The following PTPRD variants were observed in gnomAD, a reference collection of about 807,000 sequenced individuals.
PTPRD encodes the protein protein tyrosine phosphatase receptor type D, also known as receptor-type tyrosine-protein phosphatase delta.
PTPRD carries 34 observed loss-of-function variants against 214.5 expected under a neutral mutation model. That is an observed-to-expected ratio of 0.16 (90% CI 0.12 to 0.21). The LOEUF (loss-of-function observed/expected upper bound fraction) is 0.21, where lower values mean the gene tolerates loss of function less well. Among genes scored for constraint, PTPRD ranks in the 10% least tolerant of loss-of-function variants. The probability of loss-of-function intolerance (pLI) is 1.00; values close to 1 mark genes in which losing one functional copy is unlikely to be tolerated. For missense variants in PTPRD, 2,545 were observed against 2,398.7 expected, an observed-to-expected ratio of 1.06 and a Z score of -1.27; for synonymous variants, 1,128 against 845.7, an observed-to-expected ratio of 1.33 and a Z score of -5.79.
chr9:9,757,446 G>C (rs960148841), intron 6 of PTPRD, among the ~76,000 whole-genome samples: 1 of 152,072 alleles, frequency 6.6e-6, no homozygotes, highest in East Asian at 1.9e-4. Context: ...AAAACAAATG[G>C]ATGTTTAATG....
At position 8,517,951 on chromosome 9, in the gene PTPRD, G is replaced by A. The variant is rs141031051; in HGVS notation, c.1440C>T (p.Gly480=). The A allele has an allele frequency of 1.9e-6, 3 of 1,614,024 alleles. No homozygotes were observed. The highest frequency in any genetic ancestry group is 3.3e-5 in the Admixed American group (2 of 60,006). ...AATATGTTTTCTGGGGCACTAAGTT[G>A]CCAATAGTAGTGATTTGGCTGTCAG... ...NVADSQITTI[G]NLVPQKTYSV... is the part of the protein sequence containing the mutation. Residue 480 remains glycine (G), a synonymous_variant, in exon 21 of 46, where the codon GGC becomes GGT. Transcript: ENST00000381196.
intron 2 of PTPRD, among the ~76,000 whole-genome samples, chr9:10,355,838 T>C (rs1483705905): frequency 6.6e-6 from 1 of 152,142 alleles, no homozygotes; most frequent in Non-Finnish European, 1.5e-5. Flanking sequence ...AGAAACACTA[T>C]GATATACTAC....
At chr9:9,859,955 A>C (rs1447140393) in intron 5 of PTPRD, among the ~76,000 whole-genome samples, 1 of 152,240 alleles carries the variant, frequency 6.6e-6, no homozygotes, top group Non-Finnish European at 1.5e-5. Flanking sequence ...TTCACATTTT[A>C]AAAAGTGTTT....
chr9:9,177,734 T>G (rs2099925773), intron 10 of PTPRD, among the ~76,000 whole-genome samples: 1 of 152,206 alleles, frequency 6.6e-6, no homozygotes, highest in East Asian at 1.9e-4. Context: ...ACAAATCAAT[T>G]TAAAAATCAG....
chr9:10,354,822 A>G (rs2097246581), intron 2 of PTPRD, among the ~76,000 whole-genome samples: 2 of 152,158 alleles, frequency 1.3e-5, no homozygotes, highest in African/African-American at 4.8e-5. Context: ...AGAGAAGGAA[A>G]GACATGAGAA....
intron 8 of PTPRD, among the ~76,000 whole-genome samples, chr9:9,487,527 G>C (rs1174265181): frequency 6.6e-6 from 1 of 151,704 alleles, no homozygotes; most frequent in East Asian, 1.9e-4. Context: ...ACATACATGT[G>C]CATGTGTCTT....
intron 9 of PTPRD, among the ~76,000 whole-genome samples, chr9:9,341,343 C>G (rs1387615737): frequency 2.6e-5 from 4 of 152,072 alleles, no homozygotes; most frequent in Non-Finnish European, 5.9e-5. Flanking sequence ...GTTAGAAACT[C>G]TCCATTCAGT....
At chr9:9,964,040 C>G (rs1442858210) in intron 4 of PTPRD, among the ~76,000 whole-genome samples, 1 of 94,130 alleles carries the variant, frequency 1.1e-5, no homozygotes, top group African/African-American at 3.0e-5. Flanking sequence ...ACAGACAGAG[C>G]CAGACAGAGG....
chr9:10,188,569 T>C (rs557996980), intron 3 of PTPRD, among the ~76,000 whole-genome samples: 2 of 151,742 alleles, frequency 1.3e-5, no homozygotes, highest in Non-Finnish European at 2.9e-5. Context: ...CTTAGATAAA[T>C]AGTATCTTTT....
intron 8 of PTPRD, among the ~76,000 whole-genome samples, chr9:9,528,319 AT>A (rs1456981367): frequency 6.6e-6 from 1 of 152,186 alleles, no homozygotes; most frequent in Non-Finnish European, 1.5e-5. Context: ...GCTGGGAATA[AT>A]TCATGTTTCT....
chr9:8,719,345 C>T (rs1472323596), intron 12 of PTPRD, among the ~76,000 whole-genome samples: 2 of 152,326 alleles, frequency 1.3e-5, no homozygotes, highest in East Asian at 3.9e-4. Flanking sequence ...CTATGTTTAT[C>T]AAGAGATGTG....
intron 12 of PTPRD, among the ~76,000 whole-genome samples, chr9:8,704,304 T>C (rs188411946): frequency 6.6e-6 from 1 of 152,154 alleles, no homozygotes; most frequent in East Asian, 1.9e-4. Flanking sequence ...ATTGGTTTCC[T>C]CTCAGTAATA....
chr9:9,797,989 A>C (rs960623558), intron 5 of PTPRD, among the ~76,000 whole-genome samples: 2 of 152,216 alleles, frequency 1.3e-5, no homozygotes, highest in Non-Finnish European at 2.9e-5. Context: ...GTTCTTGATC[A>C]TATTAGAGAT....
At chr9:9,908,756 A>C (rs113386506) in intron 5 of PTPRD, among the ~76,000 whole-genome samples, 3,311 of 152,112 alleles carry the variant, frequency 0.022, 112 homozygotes, top group African/African-American at 0.075. Context: ...TGATGAACAA[A>C]CAAAATATAA....
intron 7 of PTPRD, among the ~76,000 whole-genome samples, chr9:9,634,248 C>T (rs1051447153): frequency 6.6e-6 from 1 of 152,084 alleles, no homozygotes; most frequent in Non-Finnish European, 1.5e-5. Flanking sequence ...TTACTATAAA[C>T]ATTAAAGTAC....
rs376297527 is a variant in PTPRD, at chr9:9,675,709, T to C, written c.-287+58824A>G. On this transcript the variant is annotated intron_variant, in intron 7 of 45. Transcript: ENST00000381196. ...AATCTGAAATGCACTGTAAAGAAAA[T>C]AGGTCCACCAAAATGCTTGTATTGG... Among the ~76,000 whole-genome samples the C allele has an allele frequency of 1.9e-4, 29 of 151,938 alleles. No homozygotes were observed. In the East Asian group the frequency reaches 4.1e-3, roughly 21 times the overall value.
chr9:8,957,965 G>A (rs1224667674), intron 11 of PTPRD, among the ~76,000 whole-genome samples: 2 of 12,440 alleles, frequency 1.6e-4, no homozygotes, highest in Non-Finnish European at 2.0e-3. Context: ...TAGATCTTCA[G>A]AAGATCACAA....
At chr9:9,195,107 TACACAC>T (rs57276075) in intron 9 of PTPRD, among the ~76,000 whole-genome samples, 1 of 141,196 alleles carries the variant, frequency 7.1e-6, no homozygotes. Context: ...TATATATATA[TACACAC>T]ACACACATAT....
chr9:8,979,287 T>C (rs567899164), intron 11 of PTPRD, among the ~76,000 whole-genome samples: 1 of 152,228 alleles, frequency 6.6e-6, no homozygotes. Context: ...ACCTAACAGA[T>C]AATAATATCA....
Sources: gnomAD v4.1 joint callset for allele counts (sites outside exome capture counted in the v4.1 genomes callset) on GRCh38, gnomAD v4.1.1 for gene constraint, MANE v1.5 for transcripts, NCBI Gene and HGNC (gene_info 2026-07-23, HGNC 2026-07-21) for gene names.